ATRNL1: variants seen among roughly 807,000 people sequenced by gnomAD.
ATRNL1 encodes the protein attractin-like protein 1.
ATRNL1 carries 95 observed loss-of-function variants against 182.7 expected under a neutral mutation model. The ratio of observed to expected loss-of-function variants is 0.52; its 90% CI spans 0.44 to 0.62. ATRNL1 has a LOEUF of 0.62. Among genes scored for constraint, ATRNL1 ranks in the 20% least tolerant of loss-of-function variants. ATRNL1 has a pLI of 0.00. For missense variants in ATRNL1, 1,471 were observed against 1,679.5 expected, an observed-to-expected ratio of 0.88 and a Z score of 2.17; for synonymous variants, 576 against 568.3, an observed-to-expected ratio of 1.01 and a Z score of -0.19.
chr10:115,321,474 A>G (rs2134031735), intron 18 of ATRNL1, among the ~76,000 whole-genome samples: 1 of 152,128 alleles, frequency 6.6e-6, no homozygotes, highest in East Asian at 1.9e-4. Context: ...TAGTGGTAGC[A>G]TTTGAGTCCT....
intron 10 of ATRNL1, among the ~76,000 whole-genome samples, chr10:115,247,573 G>A (rs1850699353): frequency 6.6e-6 from 1 of 152,096 alleles, no homozygotes; most frequent in East Asian, 1.9e-4. Context: ...TGTTTTTGAT[G>A]GAAATGTAAG....
At chr10:115,746,670 A>T (rs1948301392) in intron 27 of ATRNL1, among the ~76,000 whole-genome samples, 1 of 152,042 alleles carries the variant, frequency 6.6e-6, no homozygotes, top group Non-Finnish European at 1.5e-5. Flanking sequence ...TACTGATCTA[A>T]TTTTTCTCAC....
intron 26 of ATRNL1, among the ~76,000 whole-genome samples, chr10:115,596,378 T>G (rs1555013958): frequency 6.6e-6 from 1 of 152,212 alleles, no homozygotes; most frequent in African/African-American, 2.4e-5. Flanking sequence ...AGTGCTGGGA[T>G]TACAGGCATG....
chr10:115,495,860 G>T (rs1297488236), intron 24 of ATRNL1, among the ~76,000 whole-genome samples: 3 of 151,952 alleles, frequency 2.0e-5, no homozygotes, highest in Non-Finnish European at 4.4e-5. Flanking sequence ...GTCGAGTTCA[G>T]GTTCGGAATA....
chr10:115,790,775 T>G (rs182608435), intron 27 of ATRNL1, among the ~76,000 whole-genome samples: 19 of 152,324 alleles, frequency 1.2e-4, no homozygotes, highest in African/African-American at 3.8e-4. Flanking sequence ...TTCTACTACT[T>G]TTTTAATAAG....
chr10:115,234,818 A>G (rs1243125846), intron 9 of ATRNL1, among the ~76,000 whole-genome samples: 1 of 151,974 alleles, frequency 6.6e-6, no homozygotes, highest in East Asian at 1.9e-4. Context: ...CGAACTCCTG[A>G]GGTCAAGCCA....
intron 28 of ATRNL1, among the ~76,000 whole-genome samples, chr10:115,933,963 C>T (rs1555122268): frequency 6.6e-6 from 1 of 152,186 alleles, no homozygotes; most frequent in African/African-American, 2.4e-5. Context: ...ACACACACCC[C>T]AGCCCCAGCT....
chr10:115,245,102 A>T (rs1850574143), intron 10 of ATRNL1, among the ~76,000 whole-genome samples: 1 of 152,132 alleles, frequency 6.6e-6, no homozygotes, highest in Non-Finnish European at 1.5e-5. Flanking sequence ...CTAAAAAGTA[A>T]TTTTTTATTT....
At chr10:115,552,397 C>T (rs1319220326) in intron 26 of ATRNL1, among the ~76,000 whole-genome samples, 1 of 151,268 alleles carries the variant, frequency 6.6e-6, no homozygotes, top group East Asian at 1.9e-4. Context: ...TTGTAAAGCT[C>T]AGAGGACACC....
intron 24 of ATRNL1, among the ~76,000 whole-genome samples, chr10:115,495,269 A>G (rs1202693812): frequency 6.6e-6 from 1 of 152,106 alleles, no homozygotes; most frequent in African/African-American, 2.4e-5. Flanking sequence ...ATTTCAAAGA[A>G]TGAAGTGGGT....
At chr10:115,393,379 A>G (rs1242579860) in intron 19 of ATRNL1, among the ~76,000 whole-genome samples, 1 of 152,288 alleles carries the variant, frequency 6.6e-6, no homozygotes, top group East Asian at 1.9e-4. Flanking sequence ...ATTCATTAAC[A>G]TATATGTTAG....
chr10:115,143,904 G>A (rs997887106), intron 5 of ATRNL1, among the ~76,000 whole-genome samples: 2 of 151,896 alleles, frequency 1.3e-5, no homozygotes, highest in Non-Finnish European at 2.9e-5. Flanking sequence ...ATACTATCAC[G>A]TTGGGAGTTA....
At chr10:115,866,179 T>TATAATTAAAAAAA (rs1555104729) in intron 28 of ATRNL1, among the ~76,000 whole-genome samples, 1 of 152,198 alleles carries the variant, frequency 6.6e-6, no homozygotes, top group African/African-American at 2.4e-5. Flanking sequence ...ATTAAGCATC[T>TATAATTAAAAAAA]CAAGACTATA....
At position 115,153,629 on chromosome 10, in the gene ATRNL1, T is replaced by C. The variant is rs550338065; in HGVS notation, c.830-6411T>C. ...TCTTCTTCATTAGACTTGCTAGCGG[T>C]CTATCAATTTTGTTGATTTTTTCAA... On this transcript the variant is annotated intron_variant, in intron 5 of 28. Coordinates refer to ENST00000355044, the MANE Select transcript of ATRNL1 (RefSeq NM_207303.4). Among the ~76,000 whole-genome samples, 5 of 152,300 alleles carry C rather than the reference T, an allele frequency of 3.3e-5. No homozygotes were observed. In the East Asian group the frequency reaches 9.7e-4, roughly 29 times the overall value.
chr10:115,402,199 T>G (rs1844598322), intron 20 of ATRNL1, among the ~76,000 whole-genome samples: 1 of 152,144 alleles, frequency 6.6e-6, no homozygotes, highest in African/African-American at 2.4e-5. Flanking sequence ...CTACTTTGTG[T>G]TTATATGTAA....
At chr10:115,559,452 G>A (rs868957052) in intron 26 of ATRNL1, among the ~76,000 whole-genome samples, 2,268 of 127,546 alleles carry the variant, frequency 0.018, 26 homozygotes, top group African/African-American at 0.022. Context: ...GTGCGCGCGC[G>A]CACGCACGCA....
chr10:115,409,393 A>AT (rs1406633873), intron 20 of ATRNL1, among the ~76,000 whole-genome samples: 42 of 152,000 alleles, frequency 2.8e-4, no homozygotes, highest in Admixed American at 2.8e-3. Flanking sequence ...AATGCTACTG[A>AT]TTTTTTAATG....
At chr10:115,443,252 A>T (rs1292945017) in intron 21 of ATRNL1, among the ~76,000 whole-genome samples, 1 of 151,930 alleles carries the variant, frequency 6.6e-6, no homozygotes, top group Non-Finnish European at 1.5e-5. Context: ...ATTAATGACA[A>T]ATTTTTGGTC....
chr10:115,760,194 TA>T (rs1555073220), intron 27 of ATRNL1, among the ~76,000 whole-genome samples: 1 of 151,970 alleles, frequency 6.6e-6, no homozygotes, highest in Non-Finnish European at 1.5e-5. Context: ...ACTAAACTCT[TA>T]CTAAATATAT....
Sources: allele counts gnomAD v4.1 joint callset (sites outside exome capture counted in the v4.1 genomes callset), GRCh38; gene constraint gnomAD v4.1.1; transcripts MANE v1.5; gene names NCBI Gene and HGNC (gene_info 2026-07-23, HGNC 2026-07-21).